COXFA4L2: variants seen among roughly 807,000 people sequenced by gnomAD.
The protein encoded by COXFA4L2 is NADH dehydrogenase (ubiquinone) 1 alpha subcomplex, 4-like 2.
At chr12:57,235,382 G>A in the COXFA4L2 span, 28 of 687,084 alleles carry the variant, frequency 4.1e-5, no homozygotes, top group Admixed American at 6.3e-4. Context: ...CGCTTCCGCT[G>A]CTGGGAGCAA....
chr12:57,239,898 C>G, the COXFA4L2 span: 1 of 152,498 alleles, frequency 6.6e-6, no homozygotes, highest in African/African-American at 2.4e-5. The surrounding 1 kb of genome is among the most constrained non-coding windows in gnomAD (Gnocchi z 5.5). Context: ...CTCCCCAGCT[C>G]TATTCCTATT....
chr12:57,237,793 T>C, the COXFA4L2 span: 2 of 154,588 alleles, frequency 1.3e-5, no homozygotes, highest in African/African-American at 4.8e-5. Context: ...GAGACTTGCT[T>C]GCTCTGCCTA....
the COXFA4L2 span, chr12:57,236,511 C>G: frequency 1.8e-4 from 214 of 1,209,362 alleles, 1 homozygote; most frequent in Non-Finnish European, 2.4e-4. Context: ...CAGCAGGGCA[C>G]GGGATCCCCA....
At chr12:57,236,931 G>A in the COXFA4L2 span, 2 of 1,504,696 alleles carry the variant, frequency 1.3e-6, no homozygotes, top group Non-Finnish European at 1.9e-6. Context: ...GAATAGGAGC[G>A]CTGAGGGACC....
the COXFA4L2 span, chr12:57,235,134 G>A: frequency 2.9e-3 from 587 of 199,468 alleles, 2 homozygotes; most frequent in Middle Eastern, 6.7e-3. Context: ...GCTGAGCAGC[G>A]CCGCCCCTGG....
chr12:57,240,570 C>T, the COXFA4L2 span: 3 of 636,420 alleles, frequency 4.7e-6, no homozygotes, highest in South Asian at 2.1e-4. Context: ...CCGGCGCGCG[C>T]ACACACACAC....
At chr12:57,237,544 C>A in the COXFA4L2 span, among the ~76,000 whole-genome samples, 1 of 152,198 alleles carries the variant, frequency 6.6e-6, no homozygotes, top group Admixed American at 6.5e-5. Flanking sequence ...TTAGAGCTGT[C>A]CAGGAGCGGG....
the COXFA4L2 span, chr12:57,235,452 A>G: frequency 1.7e-6 from 2 of 1,171,310 alleles, no homozygotes; most frequent in Non-Finnish European, 2.5e-6. Context: ...CTGTGTAAGC[A>G]GTAGCGGGAC....
At chr12:57,236,409 C>T in the COXFA4L2 span, 10 of 538,114 alleles carry the variant, frequency 1.9e-5, no homozygotes, top group South Asian at 1.7e-4. Flanking sequence ...GAGGAGTGAG[C>T]GGCCAGGTGG....
the COXFA4L2 span, chr12:57,235,320 G>A: frequency 1.0e-5 from 6 of 591,762 alleles, no homozygotes; most frequent in Non-Finnish European, 1.8e-5. Flanking sequence ...ACCCCTGCTG[G>A]TGCTGCCTGC....
chr12:57,235,921 C>T, the COXFA4L2 span: 2 of 861,078 alleles, frequency 2.3e-6, no homozygotes, highest in South Asian at 2.6e-5. Context: ...CCCAGTACCC[C>T]TGCCTCCTGC....
chr12:57,237,722 T>C, the COXFA4L2 span: 1 of 155,158 alleles, frequency 6.4e-6, no homozygotes, highest in Non-Finnish European at 1.5e-5. Flanking sequence ...ATGTTAATCA[T>C]GGCTCAGGAT....
the COXFA4L2 span, chr12:57,237,052 G>C: frequency 4.3e-6 from 7 of 1,614,082 alleles, no homozygotes; most frequent in African/African-American, 5.3e-5. Flanking sequence ...TTGATCTGCC[G>C]GTAGAAGCGG....
the COXFA4L2 span, chr12:57,237,107 T>C: frequency 6.2e-7 from 1 of 1,614,156 alleles, no homozygotes; most frequent in South Asian, 1.1e-5. Context: ...CCCAGTCTGG[T>C]CCTCTGCAGT....
chr12:57,236,681 T>C, the COXFA4L2 span: 1 of 1,561,650 alleles, frequency 6.4e-7, no homozygotes, highest in Non-Finnish European at 8.7e-7. Context: ...ATCGGGATGA[T>C]CTGCGGGGAA....
chr12:57,235,472 G>T, the COXFA4L2 span: 3 of 1,387,996 alleles, frequency 2.2e-6, no homozygotes, highest in Non-Finnish European at 1.0e-6. Context: ...CAGGGTGGCC[G>T]GAGTGATGCC....
chr12:57,236,492 A>G, the COXFA4L2 span: 1 of 975,770 alleles, frequency 1.0e-6, no homozygotes, highest in Non-Finnish European at 1.5e-6. Context: ...GTACAGTCGA[A>G]GGTGCATGCA....
the COXFA4L2 span, chr12:57,235,528 C>A: frequency 6.2e-7 from 1 of 1,609,368 alleles, no homozygotes; most frequent in African/African-American, 1.3e-5. Context: ...GGCTGGCTGG[C>A]TGTGGCTTGC....
the COXFA4L2 span, chr12:57,235,768 C>T: frequency 1.9e-6 from 3 of 1,584,080 alleles, no homozygotes; most frequent in Admixed American, 3.5e-5. Flanking sequence ...GTCATTGGGG[C>T]TCAGGCGGTT....
Sources: allele counts gnomAD v4.1 joint callset (sites outside exome capture counted in the v4.1 genomes callset), GRCh38; gene constraint gnomAD v4.1.1; non-coding constraint Gnocchi (gnomAD v3.1); transcripts MANE v1.5; gene names NCBI Gene and HGNC (gene_info 2026-07-23, HGNC 2026-07-21).